Variants in SPOCK1 observed in about 807,000 individuals in gnomAD.
SPOCK1 encodes SPARC (osteonectin), cwcv and kazal like domains proteoglycan 1, also known as testican-1.
A neutral mutation model predicts 55.3 loss-of-function variants in SPOCK1; 23 were observed. The observed-to-expected ratio is 0.42, with a 90% CI of 0.30 to 0.59. The LOEUF is 0.59. Among genes scored for constraint, SPOCK1 ranks in the 20% least tolerant of loss-of-function variants. The pLI is 0.22. For synonymous variants in SPOCK1, 226 were observed against 221.0 expected, an observed-to-expected ratio of 1.02 and a Z score of -0.20; for missense variants, 499 against 552.5, an observed-to-expected ratio of 0.90 and a Z score of 0.97.
At chr5:137,497,788 G>A (rs1435099208) in intron 2 of SPOCK1, among the ~76,000 whole-genome samples, 1 of 152,020 alleles carries the variant, frequency 6.6e-6, no homozygotes, top group Non-Finnish European at 1.5e-5. Flanking sequence ...GATTCCGAGG[G>A]TCAAACCACC....
At chr5:137,408,700 G>A (rs563556319) in intron 2 of SPOCK1, among the ~76,000 whole-genome samples, 164 of 152,110 alleles carry the variant, frequency 1.1e-3, no homozygotes, top group Non-Finnish European at 2.0e-3. Context: ...GCTACCTGCA[G>A]CTCATTTTCT....
At chr5:137,262,830 A>G (rs1202204411) in intron 3 of SPOCK1, among the ~76,000 whole-genome samples, 2 of 152,240 alleles carry the variant, frequency 1.3e-5, no homozygotes. Flanking sequence ...GTGGAATGGG[A>G]AGAAAGACAC....
chr5:137,068,172 G>A (rs1183323271), intron 5 of SPOCK1, among the ~76,000 whole-genome samples: 1 of 152,088 alleles, frequency 6.6e-6, no homozygotes, highest in South Asian at 2.1e-4. Context: ...TTCACTTTGA[G>A]GCATCTTCTC....
rs565953678 is a variant in SPOCK1, at chr5:137,250,361, G to A, written c.232+16649C>T. ...CCTCCATTTCCTTTCCTGTAAGATA[G>A]GTACAATAATAGATAGCCTCAACTC... On this transcript the variant is annotated intron_variant, in intron 3 of 10. Coordinates refer to ENST00000394945, the MANE Select transcript of SPOCK1 (RefSeq NM_004598.4). Among the ~76,000 whole-genome samples, 14 of 152,246 alleles carry A rather than the reference G, an allele frequency of 9.2e-5. No homozygotes were observed. The South Asian group carries it at 2.9e-3, about 32-fold the overall frequency.
At chr5:137,113,896 A>G (rs1459384323) in intron 4 of SPOCK1, among the ~76,000 whole-genome samples, 1 of 152,192 alleles carries the variant, frequency 6.6e-6, no homozygotes, top group Non-Finnish European at 1.5e-5. Context: ...AGTCCTCAGG[A>G]ATTCAGGTTT....
intron 2 of SPOCK1, among the ~76,000 whole-genome samples, chr5:137,349,485 G>A (rs1468151093): frequency 6.6e-6 from 1 of 152,214 alleles, no homozygotes; most frequent in Non-Finnish European, 1.5e-5. Flanking sequence ...TTACAGCATA[G>A]ATGGTATAGG....
Position 137,195,068 on chromosome 5 carries a change from A to C in SPOCK1, c.233-54374T>G, listed in dbSNP as rs142887006. Among the ~76,000 whole-genome samples the C allele has an allele frequency of 8.5e-3, 1,288 of 152,234 alleles. 21 individuals are homozygous for C. The highest frequency in any genetic ancestry group is 0.029 in the African/African-American group (1,190 of 41,524). On this transcript the variant is annotated intron_variant, in intron 3 of 10. Transcript: ENST00000394945. Reference sequence around the variant, plus strand: ...CAACCAGGCCCCCAATCCCTAATTAAATTCACCACACGGCAAAGGGGTCAT... The same window carrying C: ...CAACCAGGCCCCCAATCCCTAATTACATTCACCACACGGCAAAGGGGTCAT...
At chr5:137,147,793 T>C (rs1309750608) in intron 3 of SPOCK1, among the ~76,000 whole-genome samples, 1 of 152,176 alleles carries the variant, frequency 6.6e-6, no homozygotes, top group African/African-American at 2.4e-5. Flanking sequence ...GGGAAATGGT[T>C]TAGTTAATAA....
chr5:137,093,768 A>G (rs1168799002), intron 5 of SPOCK1, among the ~76,000 whole-genome samples: 1 of 152,228 alleles, frequency 6.6e-6, no homozygotes, highest in Admixed American at 6.5e-5. Flanking sequence ...AAACGAGCTC[A>G]GCACATTGGA....
chr5:136,980,478 C>A (rs528118765), intron 9 of SPOCK1, among the ~76,000 whole-genome samples: 1 of 152,216 alleles, frequency 6.6e-6, no homozygotes, highest in South Asian at 2.1e-4. Context: ...GTGGGAGGGA[C>A]CCTGTGGGAG....
intron 3 of SPOCK1, among the ~76,000 whole-genome samples, chr5:137,165,084 C>T (rs1754622155): frequency 6.6e-6 from 1 of 152,154 alleles, no homozygotes; most frequent in Non-Finnish European, 1.5e-5. Context: ...AAGCCATAGC[C>T]AGGAAGTGGT....
rs533143078 is a variant in SPOCK1, at chr5:137,271,307, C to T, written c.187-4252G>A. 5.3e-5 allele frequency among the ~76,000 whole-genome samples: 8 copies of T among 150,510 alleles called. No homozygotes were observed. In the South Asian group the frequency reaches 1.7e-3, roughly 31 times the overall value. ...GTGCAAAGGAATTTAACTATTAATG[C>T]TTTAGAGATATTCTGTTCAGATAAG... On this transcript the variant is annotated intron_variant, in intron 2 of 10. Transcript: ENST00000394945.
Position 137,182,993 on chromosome 5 carries a change from G to A in SPOCK1, c.233-42299C>T, listed in dbSNP as rs552624786. On this transcript the variant is annotated intron_variant, in intron 3 of 10. Transcript: ENST00000394945. ...TGTGTTCATTAGGTACAAGGCACCTGCACTGGTGTTCTCTATCTGAATGGC... is the reference window on the plus strand; with the variant it reads ...TGTGTTCATTAGGTACAAGGCACCTACACTGGTGTTCTCTATCTGAATGGC... Among the ~76,000 whole-genome samples the A allele has an allele frequency of 3.3e-5, 5 of 152,260 alleles. No individual in the cohort carries two copies. The South Asian group carries it at 8.3e-4, about 25-fold the overall frequency.
chr5:137,268,104 G>C (rs1756892470), intron 2 of SPOCK1, among the ~76,000 whole-genome samples: 1 of 152,186 alleles, frequency 6.6e-6, no homozygotes, highest in African/African-American at 2.4e-5. Flanking sequence ...GCTGTGTTCT[G>C]ATGCAGTTTA....
At chr5:137,268,580 T>A (rs1195125725) in intron 2 of SPOCK1, among the ~76,000 whole-genome samples, 1 of 152,192 alleles carries the variant, frequency 6.6e-6, no homozygotes, top group Non-Finnish European at 1.5e-5. Context: ...AAAAGTTGGA[T>A]GGCAGATAGG....
intron 2 of SPOCK1, among the ~76,000 whole-genome samples, chr5:137,417,444 C>G (rs1752362828): frequency 6.6e-6 from 1 of 150,792 alleles, no homozygotes; most frequent in Non-Finnish European, 1.5e-5. Context: ...TTCACATACA[C>G]TGTGTAACCA....
intron 3 of SPOCK1, among the ~76,000 whole-genome samples, chr5:137,176,571 T>C (rs1183629934): frequency 2.6e-5 from 4 of 152,092 alleles, no homozygotes; most frequent in Non-Finnish European, 5.9e-5. Context: ...TTTACCTTAC[T>C]AGAAAGGTAC....
At chr5:137,135,812 A>G (rs989275309) in intron 4 of SPOCK1, among the ~76,000 whole-genome samples, 2 of 152,202 alleles carry the variant, frequency 1.3e-5, no homozygotes, top group African/African-American at 2.4e-5. Context: ...TGTTGGATGT[A>G]TCAATAGCCT....
At chr5:137,152,991 C>T (rs1754346883) in intron 3 of SPOCK1, among the ~76,000 whole-genome samples, 2 of 152,202 alleles carry the variant, frequency 1.3e-5, no homozygotes, top group South Asian at 4.1e-4. Context: ...CTGCTAAATC[C>T]AGTTGAAGCT....
Sources: gnomAD v4.1 joint callset for allele counts (sites outside exome capture counted in the v4.1 genomes callset) on GRCh38, gnomAD v4.1.1 for gene constraint, MANE v1.5 for transcripts, NCBI Gene and HGNC (gene_info 2026-07-23, HGNC 2026-07-21) for gene names.